KCNH4: variants seen among roughly 807,000 people sequenced by gnomAD.
KCNH4 encodes the protein potassium voltage-gated channel subfamily H member 4.
Under a neutral mutation model 90.7 loss-of-function variants are expected in KCNH4, and 33 were observed. The observed-to-expected ratio is 0.36, with a 90% CI of 0.28 to 0.49. The LOEUF is 0.49. Ranked by LOEUF, KCNH4 falls within the 20% of genes least tolerant of loss-of-function variation. The probability of loss-of-function intolerance (pLI) is 0.98; values close to 1 mark genes in which losing one functional copy is unlikely to be tolerated. For missense variants in KCNH4, 1,044 were observed against 1,387.1 expected, an observed-to-expected ratio of 0.75 and a Z score of 3.93; for synonymous variants, 551 against 581.7, an observed-to-expected ratio of 0.95 and a Z score of 0.76.
At chr17:42,170,020 A>G in intron 8 of KCNH4, 87 bp downstream of exon 8, 1 of 1,358,060 alleles carries the variant, frequency 7.4e-7, no homozygotes, top group Non-Finnish European at 1.0e-6. Context: ...CACCTCGGGC[A>G]GATGTCTTGC....
rs1038712327 is a variant in KCNH4, at chr17:42,158,965, T to C, written c.*309+766A>G. On this transcript the variant is annotated intron_variant, in intron 16 of 16. Transcript: ENST00000264661. ...TCCCAAAGGGCTGGGATTATAGGCA[T>C]GAACCACTGTGCCCAGTGCTACATT... Among the ~76,000 whole-genome samples the C allele has an allele frequency of 1.3e-4, 20 of 152,224 alleles. No individual in the cohort carries two copies. In the East Asian group the frequency reaches 3.9e-3, roughly 29 times the overall value.
intron 5 of KCNH4, 123 bp downstream of exon 5, chr17:42,175,931 T>A: frequency 7.7e-7 from 1 of 1,305,890 alleles, no homozygotes; most frequent in South Asian, 1.4e-5. Context: ...CATTGGGACT[T>A]AAAGATGCAG....
In KCNH4 at chr17:42,164,186, A is replaced by G; in HGVS notation, c.2086-18T>C. ...CTGAGGCCCTGTGGGGACATAGGAG[A>G]GTTCAAGCTGATTCCTGCCTTCCCG... On this transcript the variant is annotated intron_variant, in intron 11 of 16. Coordinates refer to ENST00000264661, the MANE Select transcript of KCNH4 (RefSeq NM_012285.3). 6 of 1,535,622 alleles carry G rather than the reference A, an allele frequency of 3.9e-6. No homozygotes were observed. The highest frequency in any genetic ancestry group is 5.3e-6 in the Non-Finnish European group (6 of 1,137,394).
At chr17:42,166,632 G>T (rs2079790340) in intron 9 of KCNH4, 86 bp from the exon 10 acceptor site, 3 of 1,496,416 alleles carry the variant, frequency 2.0e-6, no homozygotes, top group Non-Finnish European at 9.1e-7. Flanking sequence ...TTCAAAGAGA[G>T]AATTCCTCTT....
At position 42,180,699 on chromosome 17, in the gene KCNH4, C is replaced by A. The variant is rs1269974599; in HGVS notation, c.76+171G>T. Among the ~76,000 whole-genome samples, 6 of 151,968 alleles carry A rather than the reference C, an allele frequency of 3.9e-5. No homozygotes were observed. Among genetic ancestry groups the A allele is most frequent in the Admixed American group, 3.3e-4 (5 of 15,272 alleles). ...TCTCGGCCCTTTCCCCTCCTCCCCTCGCAGGGCACTCCCCGCCCTGTTCCT... is the reference window on the plus strand; with the variant it reads ...TCTCGGCCCTTTCCCCTCCTCCCCTAGCAGGGCACTCCCCGCCCTGTTCCT... On this transcript the variant is annotated intron_variant, in intron 1 of 16. Transcript: ENST00000264661. This position sits in a 1 kb window ranked among gnomAD's most constrained non-coding sequence, Gnocchi z 4.7.
chr17:42,179,477 T>C (rs879614219), intron 1 of KCNH4, among the ~76,000 whole-genome samples: 2 of 152,242 alleles, frequency 1.3e-5, no homozygotes, highest in African/African-American at 4.8e-5. Flanking sequence ...ACATGGTCGT[T>C]GTGAGAGTTA....
intron 16 of KCNH4, among the ~76,000 whole-genome samples, chr17:42,158,617 G>T (rs1226840551): frequency 1.7e-4 from 25 of 149,196 alleles, no homozygotes; most frequent in African/African-American, 6.2e-4. Context: ...AGGCGGATCA[G>T]GAGGTCAGGA....
intron 16 of KCNH4, among the ~76,000 whole-genome samples, chr17:42,157,855 C>T (rs1234948415): frequency 1.3e-5 from 2 of 151,696 alleles, no homozygotes; most frequent in African/African-American, 4.8e-5. Context: ...GGATTCAAGT[C>T]ATCCTTCCAC....
At position 42,175,564 on chromosome 17, in the gene KCNH4, A is replaced by C; in HGVS notation, c.987+15T>G. On this transcript the variant is annotated intron_variant, in intron 6 of 16. Transcript: ENST00000264661. ...TTGGGAGGTTGGACTGGATGGCGGG[A>C]TGGAGGTCACTCACCACGGTGATGT... The C allele has an allele frequency of 6.2e-7, 1 of 1,614,026 alleles. No individual in the cohort carries two copies. Among genetic ancestry groups the C allele is most frequent in the Non-Finnish European group, 8.5e-7 (1 of 1,179,924 alleles).
chr17:42,169,685 G>T lies in KCNH4; in HGVS notation c.1391-9C>A. 6.2e-7 allele frequency: 1 copy of T among 1,611,920 alleles called. No individual in the cohort carries two copies. The highest frequency in any genetic ancestry group is 8.5e-7 in the Non-Finnish European group (1 of 1,179,044). The stretch of plus-strand genomic sequence containing the variant: ...CACAGCGTGCATCAGGGCTGCAGCA[G>T]CAGCAGCGGGCCTGTCAGGGGCGGC... On this transcript the variant is annotated splice_polypyrimidine_tract_variant and intron_variant, in intron 8 of 16. Transcript: ENST00000264661.
At position 42,169,610 on chromosome 17, in the gene KCNH4, G is replaced by T. The variant is rs746206997; in HGVS notation, c.1457C>A (p.Ser486Ter). 2 of 1,613,904 alleles carry T rather than the reference G, an allele frequency of 1.2e-6. No individual in the cohort carries two copies. The highest frequency in any genetic ancestry group is 1.3e-5 in the African/African-American group (1 of 74,940). Residue 486 changes from serine (S) to a stop codon, truncating the protein, a stop_gained, in exon 9 of 17, where the codon TCG becomes TAG. Transcript: ENST00000264661. LOFTEE classifies it high-confidence loss of function. Reference sequence around the variant, plus strand: ...GTCCTTCATGCGGCTGTGGTAGAGCGAGCGGCGCGAGTACATGCGCTGGAT... The same window carrying T: ...GTCCTTCATGCGGCTGTGGTAGAGCTAGCGGCGCGAGTACATGCGCTGGAT... ...AIIQRMYSRR[S>*]LYHSRMKDLK...
At chr17:42,170,804 T>C (rs938287273) in intron 7 of KCNH4, among the ~76,000 whole-genome samples, 3 of 152,178 alleles carry the variant, frequency 2.0e-5, no homozygotes. Context: ...TTGAGACACA[T>C]GGAACCGAAG....
intron 9 of KCNH4, among the ~76,000 whole-genome samples, chr17:42,167,224 T>TA (rs1444511874): frequency 6.6e-6 from 1 of 152,074 alleles, no homozygotes; most frequent in African/African-American, 2.4e-5. Context: ...GCTTCCCTAC[T>TA]ACCTGAGTGC....
chr17:42,176,356 GGT>G, intron 4 of KCNH4, 59 bp from the exon 5 acceptor site: 1 of 1,515,974 alleles, frequency 6.6e-7, no homozygotes, highest in South Asian at 1.2e-5. Context: ...CAAGATGGGG[GGT>G]GGGAAAGGCA....
At chr17:42,174,689 G>A (rs974787414) in intron 6 of KCNH4, among the ~76,000 whole-genome samples, 1 of 152,072 alleles carries the variant, frequency 6.6e-6, no homozygotes, top group African/African-American at 2.4e-5. Context: ...GGGGCCTGGG[G>A]ACACGGGGTA....
chr17:42,174,190 A>C (rs9913130), intron 6 of KCNH4, among the ~76,000 whole-genome samples: 12,874 of 152,114 alleles, frequency 0.085, 1,787 homozygotes, highest in African/African-American at 0.29. Flanking sequence ...TGGTTCTAAT[A>C]TCCTGCCTGC....
intron 9 of KCNH4, among the ~76,000 whole-genome samples, chr17:42,168,472 C>T (rs971560728): frequency 4.6e-5 from 7 of 152,006 alleles, no homozygotes; most frequent in African/African-American, 9.7e-5. Flanking sequence ...GGTGAAACCC[C>T]GTCTCTACTA....
At chr17:42,177,469 G>T (rs2079870416) in intron 4 of KCNH4, among the ~76,000 whole-genome samples, 1 of 152,134 alleles carries the variant, frequency 6.6e-6, no homozygotes, top group African/African-American at 2.4e-5. Context: ...AAAGTGCTGG[G>T]ATTACAGGCA....
chr17:42,169,062 C>T lies in KCNH4; in HGVS notation c.1590+415G>A, dbSNP rs553943719. 4.7e-5 allele frequency among the ~76,000 whole-genome samples: 7 copies of T among 149,474 alleles called. No individual in the cohort carries two copies. The East Asian group carries it at 6.1e-4, about 13-fold the overall frequency. The stretch of plus-strand genomic sequence containing the variant: ...CTGGGATTACAGGTGTGAGCCACTG[C>T]GCTCAGCGCCTCCATTTTATTTATT... On this transcript the variant is annotated intron_variant, in intron 9 of 16. Transcript: ENST00000264661.
Sources: gnomAD v4.1 joint callset for allele counts (sites outside exome capture counted in the v4.1 genomes callset) on GRCh38, gnomAD v4.1.1 for gene constraint, Gnocchi (gnomAD v3.1) non-coding constraint, MANE v1.5 for transcripts, NCBI Gene and HGNC (gene_info 2026-07-23, HGNC 2026-07-21) for gene names.